Variants in PAPOLA observed in about 807,000 individuals in gnomAD.
PAPOLA encodes polynucleotide adenylyltransferase alpha.
In PAPOLA, 15 loss-of-function variants were observed where a neutral mutation model predicts 100.6. The observed-to-expected ratio is 0.15, with a 90% CI of 0.10 to 0.23. The LOEUF (loss-of-function observed/expected upper bound fraction) is 0.23. PAPOLA is among the 10% of genes least tolerant of loss of function. The pLI is 1.00. For synonymous variants in PAPOLA, 293 were observed against 300.0 expected, an observed-to-expected ratio of 0.98 and a Z score of 0.24; for missense variants, 533 against 884.2, an observed-to-expected ratio of 0.60 and a Z score of 5.04.
In PAPOLA at chr14:96,560,027, T is replaced by C. The variant is rs192698547; in HGVS notation, c.2005-622T>C. 1.4e-4 allele frequency among the ~76,000 whole-genome samples: 21 copies of C among 152,288 alleles called. No homozygotes were observed. In the East Asian group the frequency reaches 3.7e-3, roughly 27 times the overall value. On this transcript the variant is annotated intron_variant, in intron 19 of 21. Transcript: ENST00000216277. ...GAATTGATCGATACTGTATTAAATC[T>C]CTTCTAAGCTATAAGCCTGTGGTTT... is the stretch of plus-strand genomic sequence containing the variant.
Position 96,565,798 on chromosome 14 carries a change from T to G in PAPOLA, c.*748T>G. 2.5e-6 allele frequency: 1 copy of G among 398,326 alleles called. No homozygotes were observed. The highest frequency in any genetic ancestry group is 6.3e-4 in the Middle Eastern group (1 of 1,588). 24.7% of individuals were successfully genotyped at this position (398,326 alleles called of 1,614,324 possible). On this transcript the variant is annotated 3_prime_UTR_variant, in exon 22 of 22. Transcript: ENST00000216277. ...CTTTGAGCTTGTGAAAGCTCTGTGTTCTTTTGCCTTCAATCTGTTGTCTTC... is the reference window on the plus strand; with the variant it reads ...CTTTGAGCTTGTGAAAGCTCTGTGTGCTTTTGCCTTCAATCTGTTGTCTTC...
chr14:96,510,651 TAAAC>T (rs1325133250), intron 1 of PAPOLA, among the ~76,000 whole-genome samples: 2 of 152,244 alleles, frequency 1.3e-5, no homozygotes, highest in African/African-American at 4.8e-5. Flanking sequence ...CCCTTGAGCA[TAAAC>T]AAACTATTAA....
chr14:96,535,229 A>G (rs1899415040), intron 10 of PAPOLA: 2 of 909,026 alleles, frequency 2.2e-6, no homozygotes, highest in Non-Finnish European at 2.6e-6. Flanking sequence ...TTATTACAAT[A>G]TCAAAAATTT....
At chr14:96,505,377 T>G (rs1026416201) in intron 1 of PAPOLA, among the ~76,000 whole-genome samples, 1 of 152,222 alleles carries the variant, frequency 6.6e-6, no homozygotes, top group African/African-American at 2.4e-5. Context: ...GATGCCCTTA[T>G]GGAAACTAGA....
intron 6 of PAPOLA, 131 bp from the exon 7 acceptor site, chr14:96,531,344 C>T (rs1487239092): frequency 1.5e-6 from 1 of 650,632 alleles, no homozygotes; most frequent in Non-Finnish European, 2.7e-6. Flanking sequence ...GTTGCCCAGG[C>T]TGGTCTTGCT....
At chr14:96,510,172 G>C (rs899747362) in intron 1 of PAPOLA, among the ~76,000 whole-genome samples, 9 of 151,486 alleles carry the variant, frequency 5.9e-5, no homozygotes, top group Admixed American at 2.0e-4. Flanking sequence ...TGGATTTTAC[G>C]GCAGTTTTTA....
chr14:96,503,340 A>G (rs898706602), intron 1 of PAPOLA, among the ~76,000 whole-genome samples: 6 of 150,508 alleles, frequency 4.0e-5, no homozygotes, highest in African/African-American at 7.4e-5. Context: ...TTCTTTCTCT[A>G]TCTCTGGTGA....
chr14:96,521,809 T>G (rs970320783), intron 3 of PAPOLA, among the ~76,000 whole-genome samples: 2 of 152,090 alleles, frequency 1.3e-5, no homozygotes, highest in Non-Finnish European at 2.9e-5. Context: ...TTCTTTGGGT[T>G]TCCTTTTTTC....
At chr14:96,516,320 C>T (rs1318851769) in intron 1 of PAPOLA, among the ~76,000 whole-genome samples, 1 of 151,416 alleles carries the variant, frequency 6.6e-6, no homozygotes, top group Non-Finnish European at 1.5e-5. Context: ...GTAGTTTTTC[C>T]TTTTCTTTCT....
At position 96,514,120 on chromosome 14, in the gene PAPOLA, G is replaced by A. The variant is rs145210197; in HGVS notation, c.9-5935G>A. Among the ~76,000 whole-genome samples the A allele has an allele frequency of 1.6e-3, 249 of 151,342 alleles. 1 individual carries two copies. Among genetic ancestry groups the A allele is most frequent in the Middle Eastern group, 6.9e-3 (2 of 288 alleles). ...ATGATCATGCTTTGCCTATTTGAAT[G>A]TATGACCATTAAACTCCAGTTAACA... On this transcript the variant is annotated intron_variant, in intron 1 of 21. Coordinates refer to ENST00000216277, the MANE Select transcript of PAPOLA (RefSeq NM_032632.5).
chr14:96,542,463 C>G (rs772707146), intron 13 of PAPOLA, 167 bp downstream of exon 13: 3 of 561,250 alleles, frequency 5.3e-6, no homozygotes, highest in Non-Finnish European at 9.5e-6. Context: ...ATCAGGAGAT[C>G]CATATGCAAC....
chr14:96,516,946 A>G (rs555650324), intron 1 of PAPOLA, among the ~76,000 whole-genome samples: 1 of 152,214 alleles, frequency 6.6e-6, no homozygotes, highest in South Asian at 2.1e-4. Flanking sequence ...TGAGTAAGAA[A>G]AAAATGGGAA....
chr14:96,564,330 A>G (rs1311039771), intron 21 of PAPOLA, among the ~76,000 whole-genome samples: 1 of 152,104 alleles, frequency 6.6e-6, no homozygotes. Flanking sequence ...GATGCATTAT[A>G]CAGTGCTCTC....
At chr14:96,511,524 A>G (rs1013587055) in intron 1 of PAPOLA, among the ~76,000 whole-genome samples, 7 of 152,118 alleles carry the variant, frequency 4.6e-5, no homozygotes, top group Admixed American at 1.3e-4. Context: ...CTCCTTTCCG[A>G]TCATTTACTG....
At chr14:96,542,068 G>T in intron 12 of PAPOLA, 175 bp from the exon 13 acceptor site, 1 of 436,826 alleles carries the variant, frequency 2.3e-6, no homozygotes. Context: ...AAACTCACTA[G>T]TAGTTAGAAA....
At chr14:96,563,348 T>G (rs571907126) in intron 21 of PAPOLA, among the ~76,000 whole-genome samples, 1 of 152,322 alleles carries the variant, frequency 6.6e-6, no homozygotes, top group African/African-American at 2.4e-5. Context: ...CCCATAGCTC[T>G]TCAGAATTAT....
intron 3 of PAPOLA, among the ~76,000 whole-genome samples, chr14:96,524,483 C>T (rs916457068): frequency 1.3e-5 from 2 of 151,996 alleles, no homozygotes; most frequent in African/African-American, 2.4e-5. Context: ...TCCCTTTCCC[C>T]TTCCCGTTCC....
chr14:96,531,456 T>A lies in PAPOLA; in HGVS notation c.496-19T>A. ...AAGTAGTTTGACAGATATGGAATGT[T>A]GTTTTGTTTGTGTTTCAGATTGATA... On this transcript the variant is annotated intron_variant, in intron 6 of 21. Transcript: ENST00000216277. 6.4e-7 allele frequency: 1 copy of A among 1,567,774 alleles called. No individual in the cohort carries two copies. The highest frequency in any genetic ancestry group is 8.7e-7 in the Non-Finnish European group (1 of 1,150,178).
chr14:96,547,381 C>T (rs534541921), intron 15 of PAPOLA, among the ~76,000 whole-genome samples: 2 of 151,964 alleles, frequency 1.3e-5, no homozygotes, highest in African/African-American at 4.8e-5. Flanking sequence ...GTAAAGATAC[C>T]TTTAGGTATA....
Sources: allele counts gnomAD v4.1 joint callset (sites outside exome capture counted in the v4.1 genomes callset), GRCh38; gene constraint gnomAD v4.1.1; transcripts MANE v1.5; gene names NCBI Gene and HGNC (gene_info 2026-07-23, HGNC 2026-07-21).